The following CYFIP1 variants were observed in gnomAD, a reference collection of about 807,000 sequenced individuals.
CYFIP1 encodes the protein cytoplasmic FMR1 interacting protein 1, also known as cytoplasmic FMR1-interacting protein 1.
CYFIP1 carries 58 observed loss-of-function variants against 163.5 expected under a neutral mutation model. The ratio of observed to expected loss-of-function variants is 0.35; its 90% confidence interval spans 0.29 to 0.44. The LOEUF (loss-of-function observed/expected upper bound fraction) is 0.44, where lower values mean the gene tolerates loss of function less well. CYFIP1 is among the 20% of genes least tolerant of loss of function. The pLI, the probability that CYFIP1 is intolerant of heterozygous loss-of-function variation, is 1.00. For synonymous variants in CYFIP1, 663 were observed against 660.7 expected (o/e 1.00, Z -0.05); for missense variants, 1,338 against 1,653.8 (o/e 0.81, Z 3.31).
chr15:22,937,596 C>CTTT lies in CYFIP1; in HGVS notation c.796-391_796-389dup, dbSNP rs919893437. ...TTTCGGTGTATGCAAACTAAAAATTCTTTTTTTGTTTTTTTTTTTTGAGAT... is the reference window on the plus strand; with the variant it reads ...TTTCGGTGTATGCAAACTAAAAATTCTTTTTTTTTTGTTTTTTTTTTTTGAGAT... On this transcript the variant is annotated intron_variant, in intron 8 of 30. Transcript: ENST00000617928. 6.1e-4 allele frequency among the ~76,000 whole-genome samples: 88 copies of CTTT among 143,810 alleles called. 6 individuals are homozygous for CTTT. The highest frequency in any genetic ancestry group is 7.5e-4 in the Non-Finnish European group (49 of 65,332). 94.3% of individuals were successfully genotyped at this position (143,810 alleles called of 152,430 possible).
chr15:22,944,494 G>A (rs572498395), intron 5 of CYFIP1, 64 bp downstream of exon 5: 9 of 1,074,350 alleles, frequency 8.4e-6, no homozygotes, highest in Non-Finnish European at 1.3e-5. Flanking sequence ...ACAGTGATGG[G>A]TAGGAAGGGG....
At chr15:22,947,132 G>A in intron 2 of CYFIP1, 37 bp downstream of exon 2, 1 of 1,614,142 alleles carries the variant, frequency 6.2e-7, no homozygotes, top group Non-Finnish European at 8.5e-7. Flanking sequence ...TGGGGTCGGA[G>A]CACAGGCTGT....
chr15:22,870,023 T>C lies in CYFIP1; in HGVS notation c.*5A>G. 1 of 1,594,688 alleles carries C rather than the reference T, an allele frequency of 6.3e-7. No homozygotes were observed. Among genetic ancestry groups the C allele is most frequent in the East Asian group, 2.3e-5 (1 of 44,304 alleles). On this transcript the variant is annotated 3_prime_UTR_variant, in exon 31 of 31. Coordinates refer to ENST00000617928, the MANE Select transcript of CYFIP1 (RefSeq NM_014608.6). Reference sequence around the variant, plus strand: ...ATGTTGAGTTACGGAGTGCAGCGCGTGCCCTCAGCTGCTGGCGAGGGACTG... The same window carrying C: ...ATGTTGAGTTACGGAGTGCAGCGCGCGCCCTCAGCTGCTGGCGAGGGACTG...
Position 22,944,537 on chromosome 15 carries a change from C to G in CYFIP1, c.387+21G>C, listed in dbSNP as rs536862966. 3 of 1,557,176 alleles carry G rather than the reference C, an allele frequency of 1.9e-6. No homozygotes were observed. The East Asian group carries it at 6.7e-5, about 35-fold the overall frequency. ...CCCACCCCTCGGTGTTACACCCCCC[C>G]CAGATTATTTGCCATTTTACCTGGA... On this transcript the variant is annotated intron_variant, in intron 5 of 30. Transcript: ENST00000617928.
intron 1 of CYFIP1, among the ~76,000 whole-genome samples, chr15:22,972,808 C>T (rs1300728622): frequency 6.6e-6 from 1 of 152,090 alleles, no homozygotes; most frequent in Non-Finnish European, 1.5e-5. Flanking sequence ...GAGTTTGAGA[C>T]CAGTCTGAGC....
At position 22,879,122 on chromosome 15, in the gene CYFIP1, C is replaced by T. The variant is rs1258356121; in HGVS notation, c.3042+791G>A. ...CTGCACTCCAGCCGGGGTGACAGAG[C>T]AAGACTCCGTCTCAAAAAAAAAAAA... On this transcript the variant is annotated intron_variant, in intron 26 of 30. Coordinates refer to ENST00000617928, the MANE Select transcript of CYFIP1 (RefSeq NM_014608.6). Among the ~76,000 whole-genome samples the T allele has an allele frequency of 1.1e-4, 16 of 140,502 alleles. No homozygotes were observed. In the East Asian group the frequency reaches 2.8e-3, roughly 25 times the overall value. The allele number at this position is 140,502 out of a possible 152,430, so 92.2% of individuals were successfully genotyped here.
upstream of CYFIP1, among the ~76,000 whole-genome samples, chr15:22,980,800 G>T (rs1367618591): frequency 6.6e-6 from 1 of 152,056 alleles, no homozygotes; most frequent in Non-Finnish European, 1.5e-5. Flanking sequence ...GCTCACCTGC[G>T]CTCGTCGGGA....
chr15:22,929,678 G>GT (rs1189882366), intron 11 of CYFIP1, among the ~76,000 whole-genome samples: 3 of 141,322 alleles, frequency 2.1e-5, no homozygotes, highest in South Asian at 2.2e-4. Flanking sequence ...GCTCACGCCT[G>GT]TAATCCCAGC....
chr15:22,884,043 C>G (rs1024548509), intron 23 of CYFIP1, among the ~76,000 whole-genome samples: 1 of 152,064 alleles, frequency 6.6e-6, no homozygotes, highest in Non-Finnish European at 1.5e-5. Context: ...GAAAACTGCC[C>G]CCATGAACCA....
chr15:22,910,959 G>C lies in CYFIP1; in HGVS notation c.2083-146C>G, dbSNP rs896325304. On this transcript the variant is annotated intron_variant, in intron 18 of 30. Coordinates refer to ENST00000617928, the MANE Select transcript of CYFIP1 (RefSeq NM_014608.6). ...GAGTCTTGCTCTGTTGCCCAGGCTGGAGCGCAGTAGTGCGATCTTGGCTCA... is the reference window on the plus strand; with the variant it reads ...GAGTCTTGCTCTGTTGCCCAGGCTGCAGCGCAGTAGTGCGATCTTGGCTCA... 1.2e-4 allele frequency: 85 copies of C among 701,674 alleles called. 1 individual carries two copies. Among genetic ancestry groups the C allele is most frequent in the Non-Finnish European group, 1.9e-4 (78 of 408,914 alleles). 43.5% of individuals were successfully genotyped at this position (701,674 alleles called of 1,614,324 possible).
At chr15:22,889,631 AC>A (rs1339451237) in intron 23 of CYFIP1, among the ~76,000 whole-genome samples, 1 of 151,762 alleles carries the variant, frequency 6.6e-6, no homozygotes, top group Non-Finnish European at 1.5e-5. Flanking sequence ...TCGCCTGCCT[AC>A]CCCCCGCCTG....
At chr15:22,975,908 ATT>A (rs1156256359) in intron 1 of CYFIP1, among the ~76,000 whole-genome samples, 1 of 152,100 alleles carries the variant, frequency 6.6e-6, no homozygotes, top group Admixed American at 6.6e-5. Context: ...TTTGTTTAAA[ATT>A]TTTGTTTTTA....
At chr15:22,939,856 G>A (rs1380347935) in intron 6 of CYFIP1, among the ~76,000 whole-genome samples, 10 of 152,104 alleles carry the variant, frequency 6.6e-5, no homozygotes, top group Non-Finnish European at 1.2e-4. Flanking sequence ...CCTGGACCCC[G>A]AGTCTGAGAA....
Position 22,912,188 on chromosome 15 carries a change from A to T in CYFIP1, c.2073T>A (p.Ile691=). 6.2e-7 allele frequency: 1 copy of T among 1,613,904 alleles called. No individual in the cohort carries two copies. The highest frequency in any genetic ancestry group is 2.2e-5 in the East Asian group (1 of 44,874). ...GCTGCAGGGGCCTCACCTCGGCCTCAATTTCGTCGTACAGGAACTGCTTGT... is the reference window on the plus strand; with the variant it reads ...GCTGCAGGGGCCTCACCTCGGCCTCTATTTCGTCGTACAGGAACTGCTTGT... ...RFNKQFLYDE[I]EAEVNLCFDQ... is the part of the protein sequence containing the mutation. Residue 691 remains isoleucine (I), a synonymous_variant, in exon 18 of 31, where the codon ATT becomes ATA. Coordinates refer to ENST00000617928, the MANE Select transcript of CYFIP1 (RefSeq NM_014608.6).
intron 13 of CYFIP1, among the ~76,000 whole-genome samples, chr15:22,919,449 G>A (rs1186709061): frequency 6.6e-6 from 1 of 152,168 alleles, no homozygotes; most frequent in Non-Finnish European, 1.5e-5. Flanking sequence ...AACCAAGTAT[G>A]ACCTTTACAA....
At chr15:22,956,143 G>A (rs1021743032) in intron 1 of CYFIP1, among the ~76,000 whole-genome samples, 1 of 152,068 alleles carries the variant, frequency 6.6e-6, no homozygotes, top group African/African-American at 2.4e-5. Flanking sequence ...GGAGGCGGAG[G>A]TTGTAGTGAG....
At chr15:22,968,142 T>A (rs1459430742) in intron 1 of CYFIP1, among the ~76,000 whole-genome samples, 1 of 151,792 alleles carries the variant, frequency 6.6e-6, no homozygotes, top group Admixed American at 6.6e-5. Context: ...TCTCAAAAAA[T>A]AAATAAATAA....
At chr15:22,976,730 T>C (rs2063295661) in intron 1 of CYFIP1, among the ~76,000 whole-genome samples, 2 of 152,176 alleles carry the variant, frequency 1.3e-5, no homozygotes, top group South Asian at 2.1e-4. Context: ...CATAGATGTA[T>C]AGGGAAAAAA....
At chr15:22,875,493 C>G in intron 26 of CYFIP1, 1 of 547,366 alleles carries the variant, frequency 1.8e-6, no homozygotes, top group Non-Finnish European at 3.3e-6. Flanking sequence ...TGGAATGTGG[C>G]TTGGCACTTG....
Sources: gnomAD v4.1 joint callset for allele counts (sites outside exome capture counted in the v4.1 genomes callset) on GRCh38, gnomAD v4.1.1 for gene constraint, MANE v1.5 for transcripts, NCBI Gene and HGNC (gene_info 2026-07-23, HGNC 2026-07-21) for gene names.